Variants in ANKDD1B observed in about 807,000 individuals in gnomAD.
ANKDD1B encodes the protein ankyrin repeat and death domain containing 1B, also known as ankyrin repeat and death domain-containing protein 1B.
Under a neutral mutation model 59.7 loss-of-function variants are expected in ANKDD1B, and 57 were observed. The ratio of observed to expected loss-of-function variants is 0.95; its 90% CI spans 0.77 to 1.19. ANKDD1B has a LOEUF of 1.19. Ranked by LOEUF, ANKDD1B falls within the 50% of genes most tolerant of loss-of-function variation. The probability of loss-of-function intolerance (pLI) is 0.00; values close to 1 mark genes in which losing one functional copy is unlikely to be tolerated. For missense variants in ANKDD1B, 602 were observed against 641.9 expected, an observed-to-expected ratio of 0.94 and a Z score of 0.67; for synonymous variants, 216 against 239.5, an observed-to-expected ratio of 0.90 and a Z score of 0.91.
intron 12 of ANKDD1B, among the ~76,000 whole-genome samples, chr5:75,668,707 A>G (rs1458617503): frequency 6.6e-6 from 1 of 152,178 alleles, no homozygotes; most frequent in Non-Finnish European, 1.5e-5. Flanking sequence ...TGCAGTGAGT[A>G]TTTATCAAAT....
chr5:75,643,269 GAA>G (rs1774533754), intron 7 of ANKDD1B, among the ~76,000 whole-genome samples: 1 of 74,352 alleles, frequency 1.3e-5, no homozygotes, highest in South Asian at 4.8e-4. Flanking sequence ...CGAGCTGAGA[GAA>G]GAAGGCTTCA....
intron 7 of ANKDD1B, among the ~76,000 whole-genome samples, chr5:75,640,295 T>C (rs1774430909): frequency 6.6e-6 from 1 of 152,194 alleles, no homozygotes; most frequent in African/African-American, 2.4e-5. Context: ...TCTGCCTGCC[T>C]CAGCCTCCCA....
At chr5:75,664,447 T>G (rs933081306) in intron 11 of ANKDD1B, among the ~76,000 whole-genome samples, 1 of 152,180 alleles carries the variant, frequency 6.6e-6, no homozygotes. Context: ...ATTTTAACAA[T>G]TGGAACTCTG....
intron 8 of ANKDD1B, among the ~76,000 whole-genome samples, chr5:75,655,739 G>A (rs1452581932): frequency 6.6e-6 from 1 of 152,198 alleles, no homozygotes; most frequent in Non-Finnish European, 1.5e-5. Flanking sequence ...CTGAGAATGA[G>A]TTTGTTCACA....
In ANKDD1B at chr5:75,666,889, G is replaced by C. The variant is rs1775320384; in HGVS notation, c.1289G>C (p.Trp430Ser). The stretch of plus-strand genomic sequence containing the variant: ...ACCAGACACATTCGCACGCTTCTCT[G>C]GGACCTGGCTTACCATCAGCTGAAG... Reference protein sequence around the residue: ...LETRHIRTLLWDLAYHQLKAN... With the variant: ...LETRHIRTLLSDLAYHQLKAN... Residue 430 changes from tryptophan (W) to serine (S), a missense_variant, in exon 12 of 14, where the codon TGG (tryptophan) becomes TCG (serine). Transcript: ENST00000601380. 6.5e-7 allele frequency: 1 copy of C among 1,534,558 alleles called. No individual in the cohort carries two copies. Among genetic ancestry groups the C allele is most frequent in the African/African-American group, 1.4e-5 (1 of 72,922 alleles).
intron 3 of ANKDD1B, among the ~76,000 whole-genome samples, chr5:75,622,753 CTG>C (rs1773886136): frequency 6.6e-6 from 1 of 152,170 alleles, no homozygotes; most frequent in Non-Finnish European, 1.5e-5. Flanking sequence ...CGTGAGCCAA[CTG>C]TGAGTGTAAT....
In ANKDD1B at chr5:75,616,839, A is replaced by C. The variant is rs971124960; in HGVS notation, c.229A>C (p.Lys77Gln). The change falls in exon 2 of 14, where the codon AAA (lysine) becomes CAA (glutamine). Residue 77 changes from lysine (K) to glutamine (Q), a missense_variant. By Grantham distance (53) the Lys-to-Gln change is moderately conservative. Around this residue, in one of 3 missense-constraint regions of ANKDD1B, gnomAD observed 317 missense variants for 304.6 expected, o/e 1.04. Coordinates refer to ENST00000601380, the MANE Select transcript of ANKDD1B (RefSeq NM_001276713.2). ...PNERSFQNAA[K>Q]SNNLDLMEKL... ...TGAGAGAAGCTTTCAGAATGCTGCT[A>C]AAAGCAATAATTTGGATCTTATGGA... 2.2e-5 allele frequency: 33 copies of C among 1,531,008 alleles called. No homozygotes were observed. The highest frequency in any genetic ancestry group is 2.9e-5 in the Non-Finnish European group (33 of 1,142,670). 94.8% of individuals were successfully genotyped at this position (1,531,008 alleles called of 1,614,324 possible).
At chr5:75,668,991 C>T (rs1032428521) in intron 12 of ANKDD1B, among the ~76,000 whole-genome samples, 1 of 152,224 alleles carries the variant, frequency 6.6e-6, no homozygotes, top group African/African-American at 2.4e-5. Flanking sequence ...ATTGTTCCCC[C>T]TGGGCAGGCA....
At chr5:75,658,876 T>C (rs1201441889) in intron 9 of ANKDD1B, among the ~76,000 whole-genome samples, 1 of 152,188 alleles carries the variant, frequency 6.6e-6, no homozygotes, top group African/African-American at 2.4e-5. Context: ...ATCACCACCA[T>C]CCATCTTCAG....
chr5:75,654,087 A>T (rs772665199), intron 8 of ANKDD1B, among the ~76,000 whole-genome samples: 1 of 152,218 alleles, frequency 6.6e-6, no homozygotes, highest in African/African-American at 2.4e-5. Flanking sequence ...TCTTCCTTTC[A>T]TGCTGCTCCC....
At chr5:75,652,372 A>T (rs746472592) in intron 7 of ANKDD1B, among the ~76,000 whole-genome samples, 8 of 152,106 alleles carry the variant, frequency 5.3e-5, no homozygotes, top group Non-Finnish European at 1.0e-4. Context: ...ATTAGGAAAA[A>T]ACCACAATTG....
chr5:75,653,867 G>T (rs1376876212), intron 8 of ANKDD1B, among the ~76,000 whole-genome samples: 2 of 152,156 alleles, frequency 1.3e-5, no homozygotes, highest in Admixed American at 6.5e-5. Flanking sequence ...ATAGTTTTTG[G>T]AGCATGGTGT....
intron 1 of ANKDD1B, among the ~76,000 whole-genome samples, chr5:75,615,809 T>G (rs1049221062): frequency 2.0e-5 from 3 of 152,032 alleles, no homozygotes; most frequent in Non-Finnish European, 4.4e-5. Flanking sequence ...TCTCCAAATA[T>G]AGTCAACATT....
chr5:75,634,664 C>T (rs1322788189), intron 5 of ANKDD1B: 1 of 396,458 alleles, frequency 2.5e-6, no homozygotes, highest in Admixed American at 3.7e-5. Context: ...CTTTTCTGAA[C>T]AGTATTTGTG....
At position 75,653,336 on chromosome 5, in the gene ANKDD1B, T is replaced by C. The variant is rs1774879249; in HGVS notation, c.897+96T>C. The C allele has an allele frequency of 2.0e-5, 16 of 803,654 alleles. No homozygotes were observed. The South Asian group carries it at 2.5e-4, about 13-fold the overall frequency. 49.8% of individuals were successfully genotyped at this position (803,654 alleles called of 1,614,324 possible). ...TTGCAGATACGTGTAGGAGATGAGA[T>C]GTTTCACAAGGGAGGAATTCTTTCT... is the stretch of plus-strand genomic sequence containing the variant. On this transcript the variant is annotated intron_variant, in intron 8 of 13. Coordinates refer to ENST00000601380, the MANE Select transcript of ANKDD1B (RefSeq NM_001276713.2).
At chr5:75,667,843 G>C (rs1230748609) in intron 12 of ANKDD1B, among the ~76,000 whole-genome samples, 1 of 152,140 alleles carries the variant, frequency 6.6e-6, no homozygotes, top group East Asian at 1.9e-4. Context: ...CTGGGAACTG[G>C]GGATGGCAGA....
chr5:75,614,956 T>C (rs1773675144), intron 1 of ANKDD1B, among the ~76,000 whole-genome samples: 1 of 152,212 alleles, frequency 6.6e-6, no homozygotes, highest in Non-Finnish European at 1.5e-5. Context: ...AGTGATTTCA[T>C]AGGTGGACCA....
rs116273124 is a variant in ANKDD1B at position 75,658,743 on chromosome 5, G to A, written c.997-540G>A. Among the ~76,000 whole-genome samples the A allele has an allele frequency of 3.0e-3, 458 of 152,006 alleles. 1 individual carries two copies. The highest frequency in any genetic ancestry group is 5.7e-3 in the Non-Finnish European group (390 of 67,994). ...AAGTTTCAAATGTTATATCAAAAGC[G>A]TCTTTTATTTTTAAAAAATCTTCGA... On this transcript the variant is annotated intron_variant, in intron 9 of 13. Coordinates refer to ENST00000601380, the MANE Select transcript of ANKDD1B (RefSeq NM_001276713.2).
At chr5:75,640,052 T>A (rs1006919282) in intron 7 of ANKDD1B, among the ~76,000 whole-genome samples, 2 of 152,134 alleles carry the variant, frequency 1.3e-5, no homozygotes, top group African/African-American at 2.4e-5. Flanking sequence ...TTTCTTTTTT[T>A]TTTTGTTTTG....
Sources: gnomAD v4.1 joint callset for allele counts (sites outside exome capture counted in the v4.1 genomes callset) on GRCh38, gnomAD v4.1.1 for gene constraint, gnomAD v4.1.1 regional missense constraint, MANE v1.5 for transcripts, NCBI Gene and HGNC (gene_info 2026-07-23, HGNC 2026-07-21) for gene names.